SRPK2: variants seen among roughly 807,000 people sequenced by gnomAD.
The protein encoded by SRPK2 is SFRS protein kinase 2.
SRPK2 carries 21 observed loss-of-function variants against 90.8 expected under a neutral mutation model. That is an observed-to-expected ratio of 0.23 (90% confidence interval 0.16 to 0.33). SRPK2 has a LOEUF of 0.33. Among genes scored for constraint, SRPK2 ranks in the 10% least tolerant of loss-of-function variants. The probability of loss-of-function intolerance (pLI) is 1.00; values close to 1 mark genes in which losing one functional copy is unlikely to be tolerated. For missense variants in SRPK2, 620 were observed against 869.0 expected, an observed-to-expected ratio of 0.71 and a Z score of 3.60; for synonymous variants, 288 against 311.1, an observed-to-expected ratio of 0.93 and a Z score of 0.78.
intron 2 of SRPK2, among the ~76,000 whole-genome samples, chr7:105,383,654 G>A (rs1483196311): frequency 6.6e-6 from 1 of 151,706 alleles, no homozygotes; most frequent in Non-Finnish European, 1.5e-5. Flanking sequence ...TATTGACCTC[G>A]TGATCCGCCC....
intron 7 of SRPK2, among the ~76,000 whole-genome samples, chr7:105,147,555 G>T (rs553255819): frequency 6.5e-4 from 99 of 152,106 alleles, no homozygotes; most frequent in African/African-American, 2.3e-3. Context: ...CTGACCTTGT[G>T]ATCCACCTGT....
upstream of SRPK2, among the ~76,000 whole-genome samples, chr7:105,390,226 T>C (rs1822119833): frequency 3.3e-5 from 5 of 152,282 alleles, no homozygotes; most frequent in South Asian, 8.3e-4. Context: ...GAAACTTTCA[T>C]ACTAATACAA....
rs573551934 is a variant in SRPK2 at position 105,239,636 on chromosome 7, A to C, written c.72-35851T>G. 2.2e-4 allele frequency among the ~76,000 whole-genome samples: 33 copies of C among 152,356 alleles called. No homozygotes were observed. In the South Asian group the frequency reaches 5.0e-3, roughly 23 times the overall value. ...CAAGATGTTCTGGGATGAGAGCAAA[A>C]AAATGGAGCCATAATTAACAAAATC... On this transcript the variant is annotated intron_variant, in intron 2 of 15. Transcript: ENST00000393651.
chr7:105,172,728 A>G (rs1268202566), intron 3 of SRPK2, among the ~76,000 whole-genome samples: 1 of 152,240 alleles, frequency 6.6e-6, no homozygotes, highest in African/African-American at 2.4e-5. Context: ...AGTAAGAAAT[A>G]CACTCCAATT....
At chr7:105,363,574 T>C (rs1243986543) in intron 2 of SRPK2, among the ~76,000 whole-genome samples, 4 of 152,192 alleles carry the variant, frequency 2.6e-5, no homozygotes, top group African/African-American at 4.8e-5. Context: ...TTTTACACGG[T>C]TGGTGGGAGT....
At chr7:105,312,436 T>TTAAAAAA in intron 2 of SRPK2, among the ~76,000 whole-genome samples, 1 of 3,738 alleles carries the variant, frequency 2.7e-4, no homozygotes, top group Non-Finnish European at 6.5e-4. Flanking sequence ...TGAGACTCCG[T>TTAAAAAA]CAAAAAAAAA....
At chr7:105,381,186 C>A (rs1257053460) in intron 2 of SRPK2, among the ~76,000 whole-genome samples, 1 of 151,750 alleles carries the variant, frequency 6.6e-6, no homozygotes, top group Non-Finnish European at 1.5e-5. Flanking sequence ...AGAGGTTACA[C>A]TGAGCCAAGA....
intron 2 of SRPK2, among the ~76,000 whole-genome samples, chr7:105,308,883 C>A (rs1811415191): frequency 6.6e-6 from 1 of 152,088 alleles, no homozygotes; most frequent in Non-Finnish European, 1.5e-5. Flanking sequence ...CTGGTTGGAG[C>A]CGTCATCATT....
intron 3 of SRPK2, among the ~76,000 whole-genome samples, chr7:105,202,818 C>CAATAAACGCTATGT (rs370291949): frequency 2.6e-5 from 4 of 152,288 alleles, no homozygotes; most frequent in Non-Finnish European, 4.4e-5. Context: ...TTCCCACAGA[C>CAATAAACGCTATGT]AATAAACGCT....
chr7:105,216,645 A>T (rs1364932689), intron 2 of SRPK2, among the ~76,000 whole-genome samples: 1 of 108,278 alleles, frequency 9.2e-6, no homozygotes, highest in Non-Finnish European at 2.2e-5. Context: ...ACAGAATGAG[A>T]CCCTGTCTCC....
At chr7:105,144,873 G>C (rs746737884) in intron 9 of SRPK2, among the ~76,000 whole-genome samples, 1 of 152,116 alleles carries the variant, frequency 6.6e-6, no homozygotes, top group Non-Finnish European at 1.5e-5. Context: ...TTGGGAGGCC[G>C]AGGCAGGCAG....
At chr7:105,265,388 G>A (rs954909203) in intron 2 of SRPK2, among the ~76,000 whole-genome samples, 2 of 152,162 alleles carry the variant, frequency 1.3e-5, no homozygotes, top group Admixed American at 6.5e-5. Flanking sequence ...CACAGGTTAT[G>A]TGCAAATACT....
In SRPK2 at chr7:105,350,944, A is replaced by G. The variant is rs1817100677; in HGVS notation, c.71+37704T>C. Among the ~76,000 whole-genome samples the G allele has an allele frequency of 1.3e-5, 2 of 152,272 alleles. 1 individual carries two copies. The highest frequency in any genetic ancestry group is 4.8e-5 in the African/African-American group (2 of 41,564). Reference sequence around the variant, plus strand: ...TACTACATTAAAGTTTACAGAGCCTATCTTACGCGCTTTATCTATTTGCTA... The same window carrying G: ...TACTACATTAAAGTTTACAGAGCCTGTCTTACGCGCTTTATCTATTTGCTA... On this transcript the variant is annotated intron_variant, in intron 2 of 15. Transcript: ENST00000393651.
At chr7:105,394,063 G>A (rs914732240), upstream of SRPK2, among the ~76,000 whole-genome samples, 1 of 151,986 alleles carries the variant, frequency 6.6e-6, no homozygotes, top group Non-Finnish European at 1.5e-5. Context: ...CTATAGGCTT[G>A]CCTGTTCTGG....
chr7:105,136,418 C>T (rs1049212295), intron 11 of SRPK2, among the ~76,000 whole-genome samples: 2 of 152,176 alleles, frequency 1.3e-5, no homozygotes, highest in Non-Finnish European at 2.9e-5. Context: ...TTCCTTCTTA[C>T]AGATAATGGT....
In SRPK2 at chr7:105,331,251, G is replaced by A. The variant is rs1219161469; in HGVS notation, c.71+57397C>T. Among the ~76,000 whole-genome samples the A allele has an allele frequency of 1.2e-4, 15 of 128,806 alleles. No individual in the cohort carries two copies. The Admixed American group carries it at 1.2e-3, about 10-fold the overall frequency. 84.5% of individuals were successfully genotyped at this position (128,806 alleles called of 152,430 possible). A position where few individuals can be genotyped will look rare whatever the true frequency, so the allele number is the denominator to read the frequency against. On this transcript the variant is annotated intron_variant, in intron 2 of 15. Transcript: ENST00000393651. Reference sequence around the variant, plus strand: ...TTGAACCTCGGAGGCAGAGGTTGCAGTGAGCCAAGATTGTGCCATTGCACT... The same window carrying A: ...TTGAACCTCGGAGGCAGAGGTTGCAATGAGCCAAGATTGTGCCATTGCACT...
chr7:105,227,745 T>C (rs779251964), intron 2 of SRPK2, among the ~76,000 whole-genome samples: 1 of 152,006 alleles, frequency 6.6e-6, no homozygotes. Flanking sequence ...CCAGTAGATA[T>C]AAAAACATAT....
rs57925635 is a variant in SRPK2, at chr7:105,124,640, TAAAA to T, written c.1915+1604_1915+1607del. Among the ~76,000 whole-genome samples, 235 of 52,932 alleles carry T rather than the reference TAAAA, an allele frequency of 4.4e-3. 7 individuals are homozygous for T. Among genetic ancestry groups the T allele is most frequent in the African/African-American group, 0.012 (188 of 16,252 alleles). The allele number at this position is 52,932 out of a possible 152,430, so 34.7% of individuals were successfully genotyped here. A position where few individuals can be genotyped will look rare whatever the true frequency, so the allele number is the denominator to read the frequency against. ...TGGACAACAAGAGCAAAACTCCATC[TAAAA>T]AAAAAAAAAAAAAAATCAATGTGGT... On this transcript the variant is annotated intron_variant, in intron 15 of 15. Coordinates refer to ENST00000393651, the MANE Select transcript of SRPK2 (RefSeq NM_182692.3).
chr7:105,218,122 A>C (rs1797684717), intron 2 of SRPK2, among the ~76,000 whole-genome samples: 1 of 152,226 alleles, frequency 6.6e-6, no homozygotes. Flanking sequence ...GAAAGGGCTC[A>C]TCCACTTCTG....
Sources: gnomAD v4.1 joint callset for allele counts (sites outside exome capture counted in the v4.1 genomes callset) on GRCh38, gnomAD v4.1.1 for gene constraint, MANE v1.5 for transcripts, NCBI Gene and HGNC (gene_info 2026-07-23, HGNC 2026-07-21) for gene names.